AUTS2: variants seen among roughly 807,000 people sequenced by gnomAD.
AUTS2 encodes the protein activator of transcription and developmental regulator AUTS2.
A neutral mutation model predicts 112.4 loss-of-function variants in AUTS2; 17 were observed. The ratio of observed to expected loss-of-function variants is 0.15; its 90% CI spans 0.10 to 0.23. AUTS2 has a LOEUF of 0.23. AUTS2 is among the 10% of genes least tolerant of loss of function. The probability of loss-of-function intolerance (pLI) is 1.00; values close to 1 mark genes in which losing one functional copy is unlikely to be tolerated. For synonymous variants in AUTS2, 751 were observed against 702.7 expected, an observed-to-expected ratio of 1.07 and a Z score of -1.09; for missense variants, 1,510 against 1,701.6, an observed-to-expected ratio of 0.89 and a Z score of 1.98.
chr7:69,672,425 T>C (rs547482053), intron 1 of AUTS2, among the ~76,000 whole-genome samples: 7 of 152,330 alleles, frequency 4.6e-5, no homozygotes, highest in African/African-American at 1.4e-4. Flanking sequence ...ATCTTGGATA[T>C]ACTTATCAAT....
chr7:69,758,787 C>T (rs1480230566), intron 1 of AUTS2, among the ~76,000 whole-genome samples: 1 of 152,090 alleles, frequency 6.6e-6, no homozygotes, highest in African/African-American at 2.4e-5. Context: ...TTTGCAGAGA[C>T]ACCTGGTGAG....
intron 1 of AUTS2, among the ~76,000 whole-genome samples, chr7:69,683,449 GA>G (rs781436699): frequency 1.3e-5 from 2 of 152,054 alleles, no homozygotes; most frequent in Non-Finnish European, 2.9e-5. Context: ...TTCAGTAAAA[GA>G]AAAAGCCTCA....
chr7:70,490,439 G>A (rs1798186915), intron 5 of AUTS2, among the ~76,000 whole-genome samples: 1 of 151,884 alleles, frequency 6.6e-6, no homozygotes, highest in African/African-American at 2.4e-5. Context: ...GGTTTGTGGG[G>A]TGGAGAGAAG....
intron 6 of AUTS2, among the ~76,000 whole-genome samples, chr7:70,756,510 A>C (rs1229387270): frequency 6.6e-6 from 1 of 152,246 alleles, no homozygotes; most frequent in South Asian, 2.1e-4. Context: ...ACCCATCTAC[A>C]TACATAATTT....
At chr7:69,993,208 A>G (rs1299095823) in intron 2 of AUTS2, among the ~76,000 whole-genome samples, 2 of 152,154 alleles carry the variant, frequency 1.3e-5, no homozygotes, top group African/African-American at 4.8e-5. Flanking sequence ...GTGTCCAACA[A>G]CAATCTTGCA....
chr7:70,020,229 A>G (rs985640253), intron 2 of AUTS2, among the ~76,000 whole-genome samples: 6 of 152,152 alleles, frequency 3.9e-5, no homozygotes, highest in African/African-American at 1.4e-4. Flanking sequence ...AAAGGCATTT[A>G]GTAGAATGCA....
intron 6 of AUTS2, among the ~76,000 whole-genome samples, chr7:70,758,030 C>T (rs1368380585): frequency 6.6e-6 from 1 of 152,034 alleles, no homozygotes. Context: ...GATCCACCTG[C>T]CTCGGCCTCC....
At position 70,780,771 on chromosome 7, in the gene AUTS2, A is replaced by G. The variant is rs201101995; in HGVS notation, c.2005-844A>G. 2.0e-5 allele frequency among the ~76,000 whole-genome samples: 3 copies of G among 152,242 alleles called. No individual in the cohort carries two copies. In the East Asian group the frequency reaches 5.8e-4, roughly 29 times the overall value. On this transcript the variant is annotated intron_variant, in intron 14 of 18. Coordinates refer to ENST00000342771, the MANE Select transcript of AUTS2 (RefSeq NM_015570.4). Reference sequence around the variant, plus strand: ...TACTCCTACTTTGTTTTTCTTTGTTATTGTTATATAACAGTGATCATTTGA... The same window carrying G: ...TACTCCTACTTTGTTTTTCTTTGTTGTTGTTATATAACAGTGATCATTTGA...
intron 2 of AUTS2, among the ~76,000 whole-genome samples, chr7:69,962,652 T>G (rs1322339967): frequency 2.0e-5 from 3 of 152,020 alleles, no homozygotes; most frequent in Admixed American, 2.0e-4. Flanking sequence ...TGTAAAATGT[T>G]CAGGTCTGAG....
intron 1 of AUTS2, among the ~76,000 whole-genome samples, chr7:69,868,468 TC>T (rs1793336912): frequency 1.3e-5 from 2 of 152,188 alleles, no homozygotes; most frequent in South Asian, 4.1e-4. Context: ...GACAGTAAAT[TC>T]TTGATTGAGC....
intron 1 of AUTS2, among the ~76,000 whole-genome samples, chr7:69,685,336 T>C (rs1207530777): frequency 6.6e-6 from 1 of 152,226 alleles, no homozygotes; most frequent in South Asian, 2.1e-4. Flanking sequence ...CTGTGACTAC[T>C]CTGACTGGAT....
chr7:70,431,237 A>G (rs1250650933), intron 4 of AUTS2, among the ~76,000 whole-genome samples: 3 of 152,226 alleles, frequency 2.0e-5, no homozygotes, highest in African/African-American at 4.8e-5. Flanking sequence ...CCAAAATGGT[A>G]GGAATTCATT....
chr7:70,456,565 C>G (rs1379461251), intron 5 of AUTS2, among the ~76,000 whole-genome samples: 1 of 152,230 alleles, frequency 6.6e-6, no homozygotes, highest in African/African-American at 2.4e-5. Context: ...AAGCCACTAG[C>G]AGGGCTGCAC....
At chr7:70,431,280 G>A (rs189081732) in intron 4 of AUTS2, among the ~76,000 whole-genome samples, 35 of 152,342 alleles carry the variant, frequency 2.3e-4, no homozygotes, top group Non-Finnish European at 4.1e-4. Flanking sequence ...TAAAAGACGA[G>A]TGGGATTATA....
chr7:70,143,255 T>C (rs1305675127), intron 4 of AUTS2, among the ~76,000 whole-genome samples: 1 of 152,186 alleles, frequency 6.6e-6, no homozygotes, highest in African/African-American at 2.4e-5. Context: ...GAGGCTTAGA[T>C]AGTTTGAGAC....
At chr7:70,118,062 A>C in intron 2 of AUTS2, 70 bp from the exon 3 acceptor site, 1 of 1,505,192 alleles carries the variant, frequency 6.6e-7, no homozygotes, top group Non-Finnish European at 8.8e-7. Context: ...ACTCTTGACA[A>C]GGATCAAAAA....
intron 2 of AUTS2, among the ~76,000 whole-genome samples, chr7:70,047,235 A>G (rs1801546134): frequency 6.6e-6 from 1 of 152,204 alleles, no homozygotes; most frequent in Non-Finnish European, 1.5e-5. Context: ...GTAAAAGTTT[A>G]TAATTTTAAT....
rs1262165586 is a variant in AUTS2 at position 69,973,053 on chromosome 7, C to T, written c.522+73555C>T. 4.6e-5 allele frequency among the ~76,000 whole-genome samples: 7 copies of T among 151,184 alleles called. No homozygotes were observed. In the South Asian group the frequency reaches 8.3e-4, roughly 18 times the overall value. ...GTTTTGGGAATTTTTTTTTTAAGTA[C>T]TTTGTTGAGTCTTTCTCTTCATGAA... On this transcript the variant is annotated intron_variant, in intron 2 of 18. Coordinates refer to ENST00000342771, the MANE Select transcript of AUTS2 (RefSeq NM_015570.4).
At chr7:69,978,921 C>T (rs1032264258) in intron 2 of AUTS2, among the ~76,000 whole-genome samples, 46 of 151,588 alleles carry the variant, frequency 3.0e-4, no homozygotes, top group Non-Finnish European at 5.3e-4. Flanking sequence ...CACACACACA[C>T]GCACACACAC....
Sources: gnomAD v4.1 joint callset for allele counts (sites outside exome capture counted in the v4.1 genomes callset) on GRCh38, gnomAD v4.1.1 for gene constraint, MANE v1.5 for transcripts, NCBI Gene and HGNC (gene_info 2026-07-23, HGNC 2026-07-21) for gene names.